The following KCNQ5 variants were observed in gnomAD, a reference collection of about 807,000 sequenced individuals.
KCNQ5 encodes potassium voltage-gated channel subfamily Q member 5, also known as potassium voltage-gated channel subfamily KQT member 5.
Under a neutral mutation model 98.2 loss-of-function variants are expected in KCNQ5, and 30 were observed. The ratio of observed to expected loss-of-function variants is 0.31; its 90% confidence interval spans 0.23 to 0.41. The LOEUF (loss-of-function observed/expected upper bound fraction) is 0.41, where lower values mean the gene tolerates loss of function less well. Among genes scored for constraint, KCNQ5 ranks in the 10% least tolerant of loss-of-function variants. KCNQ5 has a pLI of 1.00. For missense variants in KCNQ5, 835 were observed against 1,182.5 expected (o/e 0.71, Z 4.31); for synonymous variants, 458 against 449.4 (o/e 1.02, Z -0.24).
At chr6:72,925,669 G>A (rs966028700) in intron 1 of KCNQ5, among the ~76,000 whole-genome samples, 1 of 152,078 alleles carries the variant, frequency 6.6e-6, no homozygotes, top group African/African-American at 2.4e-5. Flanking sequence ...TCAACAGCAG[G>A]GTTAAAAAAC....
At chr6:72,952,632 A>T (rs769380060) in intron 1 of KCNQ5, among the ~76,000 whole-genome samples, 50 of 152,320 alleles carry the variant, frequency 3.3e-4, no homozygotes, top group Non-Finnish European at 6.2e-4. Flanking sequence ...TTCATGTTGT[A>T]AATTATTTTC....
chr6:72,976,343 T>C (rs934652415), intron 1 of KCNQ5, among the ~76,000 whole-genome samples: 1 of 152,234 alleles, frequency 6.6e-6, no homozygotes, highest in African/African-American at 2.4e-5. Context: ...TTTCAACCTT[T>C]GTCATAGCTC....
At chr6:72,989,654 A>C (rs1227244676) in intron 1 of KCNQ5, among the ~76,000 whole-genome samples, 1 of 196 alleles carries the variant, frequency 5.1e-3, no homozygotes, top group Non-Finnish European at 9.8e-3. Flanking sequence ...GAAGCTCTTT[A>C]GTTTAATTAG....
At chr6:72,680,034 C>A (rs1005824415) in intron 1 of KCNQ5, among the ~76,000 whole-genome samples, 7 of 152,124 alleles carry the variant, frequency 4.6e-5, no homozygotes, top group African/African-American at 1.4e-4. Flanking sequence ...CAGAGCAAGG[C>A]TCCATCTCAA....
Position 73,055,282 on chromosome 6 carries a change from G to A in KCNQ5, c.616+13220G>A, listed in dbSNP as rs1194474919. The A allele has an allele frequency of 1.2e-5, 16 of 1,385,718 alleles. No homozygotes were observed. The Middle Eastern group carries it at 1.0e-3, about 86-fold the overall frequency. 85.8% of individuals were successfully genotyped at this position (1,385,718 alleles called of 1,614,324 possible). A position where few individuals can be genotyped will look rare whatever the true frequency, so the allele number is the denominator to read the frequency against. ...CCTCATTGCAGAAGAGAGCGATCCC[G>A]ACCTTCTGGACAGTGCTAGATGCCA... On this transcript the variant is annotated intron_variant, in intron 3 of 13. Coordinates refer to ENST00000370398, the MANE Select transcript of KCNQ5 (RefSeq NM_019842.4).
At chr6:72,821,393 C>CCTTGAG (rs1169546273) in intron 1 of KCNQ5, among the ~76,000 whole-genome samples, 2 of 152,122 alleles carry the variant, frequency 1.3e-5, no homozygotes, top group African/African-American at 4.8e-5. Context: ...TTACCTTTTT[C>CCTTGAG]CTTGAGCTCA....
At chr6:72,822,170 G>C (rs540426242) in intron 1 of KCNQ5, among the ~76,000 whole-genome samples, 2 of 152,236 alleles carry the variant, frequency 1.3e-5, no homozygotes, top group South Asian at 4.1e-4. Context: ...CAGCTGCAGA[G>C]ACTATCAAAT....
chr6:72,750,201 C>T (rs1771606851), intron 1 of KCNQ5, among the ~76,000 whole-genome samples: 1 of 152,002 alleles, frequency 6.6e-6, no homozygotes, highest in African/African-American at 2.4e-5. Context: ...AGTGCATTTC[C>T]TAAAAGAGTA....
At chr6:73,169,509 C>T (rs537603849) in intron 10 of KCNQ5, among the ~76,000 whole-genome samples, 1 of 152,260 alleles carries the variant, frequency 6.6e-6, no homozygotes, top group East Asian at 1.9e-4. Flanking sequence ...GATAATGTGT[C>T]GATAGCTTCA....
chr6:73,026,685 A>G (rs1433247283), intron 2 of KCNQ5, among the ~76,000 whole-genome samples: 1 of 152,228 alleles, frequency 6.6e-6, no homozygotes, highest in Non-Finnish European at 1.5e-5. Flanking sequence ...CAGCATTTAG[A>G]AGAGCACCTG....
In KCNQ5 at chr6:72,899,547, A is replaced by T. The variant is rs147747041; in HGVS notation, c.399-104361A>T. ...GTGTAAAATTTTTATCTCAAATTTA[A>T]TTATTTTGATAATAAAATATATTTT... On this transcript the variant is annotated intron_variant, in intron 1 of 13. Coordinates refer to ENST00000370398, the MANE Select transcript of KCNQ5 (RefSeq NM_019842.4). Among the ~76,000 whole-genome samples, 129 of 152,300 alleles carry T rather than the reference A, an allele frequency of 8.5e-4. No individual in the cohort carries two copies. In the Middle Eastern group the frequency reaches 0.02, roughly 24 times the overall value.
chr6:72,782,415 A>T (rs1238592342), intron 1 of KCNQ5, among the ~76,000 whole-genome samples: 1 of 152,206 alleles, frequency 6.6e-6, no homozygotes, highest in African/African-American at 2.4e-5. Context: ...GAGTATTGTA[A>T]GTTCTATGTG....
In KCNQ5 at chr6:73,106,480, G is replaced by A. The variant is rs568794544; in HGVS notation, c.1029+1113G>A. 2.9e-4 allele frequency among the ~76,000 whole-genome samples: 44 copies of A among 152,264 alleles called. 1 individual carries two copies. The South Asian group carries it at 5.4e-3, about 19-fold the overall frequency. On this transcript the variant is annotated intron_variant, in intron 6 of 13. Transcript: ENST00000370398. ...TGTCTCACAGTTCCCAAGACTGGAC[G>A]TCCAAAATCAAAGCATTGAGAAACC... is the stretch of plus-strand genomic sequence containing the variant.
intron 10 of KCNQ5, among the ~76,000 whole-genome samples, chr6:73,166,470 G>T (rs1582475307): frequency 6.9e-6 from 1 of 145,016 alleles, no homozygotes; most frequent in Admixed American, 6.9e-5. Flanking sequence ...ATGGGGTTTT[G>T]ATACAATTAA....
At chr6:72,741,502 A>G (rs970989673) in intron 1 of KCNQ5, among the ~76,000 whole-genome samples, 1 of 152,180 alleles carries the variant, frequency 6.6e-6, no homozygotes, top group Non-Finnish European at 1.5e-5. Context: ...ACTAAGATGC[A>G]GGGTCTGATG....
chr6:73,128,017 A>T (rs1222801606), intron 9 of KCNQ5, among the ~76,000 whole-genome samples: 1 of 152,214 alleles, frequency 6.6e-6, no homozygotes, highest in African/African-American at 2.4e-5. Flanking sequence ...GTGAGCTGAG[A>T]TCACACCACT....
intron 1 of KCNQ5, among the ~76,000 whole-genome samples, chr6:72,901,690 C>A (rs1468264722): frequency 1.3e-5 from 2 of 152,142 alleles, no homozygotes; most frequent in Admixed American, 1.3e-4. Context: ...ATTCTGTATT[C>A]TGTCCCATTG....
At chr6:72,922,496 A>C (rs1780443491) in intron 1 of KCNQ5, among the ~76,000 whole-genome samples, 1 of 152,008 alleles carries the variant, frequency 6.6e-6, no homozygotes, top group Admixed American at 6.6e-5. Context: ...CATTACCCAC[A>C]ATAGATCTCC....
chr6:73,012,385 T>G (rs1381157461), intron 2 of KCNQ5, among the ~76,000 whole-genome samples: 1 of 152,112 alleles, frequency 6.6e-6, no homozygotes, highest in African/African-American at 2.4e-5. Flanking sequence ...TAATGTATGA[T>G]TCCACTTATA....
Sources: gnomAD v4.1 joint callset for allele counts (sites outside exome capture counted in the v4.1 genomes callset) on GRCh38, gnomAD v4.1.1 for gene constraint, MANE v1.5 for transcripts, NCBI Gene and HGNC (gene_info 2026-07-23, HGNC 2026-07-21) for gene names.